Variants in CBLB observed in about 807,000 individuals in gnomAD.
The protein encoded by CBLB is Cbl proto-oncogene B.
A neutral mutation model predicts 104.9 loss-of-function variants in CBLB; 31 were observed. The observed-to-expected ratio is 0.30, with a 90% confidence interval of 0.22 to 0.40. CBLB has a LOEUF of 0.40. CBLB is among the 10% of genes least tolerant of loss of function. The pLI, the probability that CBLB is intolerant of heterozygous loss-of-function variation, is 1.00. For missense variants in CBLB, 1,062 were observed against 1,214.6 expected (o/e 0.87, Z 1.87); for synonymous variants, 440 against 422.6 (o/e 1.04, Z -0.51).
At chr3:105,716,144 G>C (rs1379024830) in intron 10 of CBLB, among the ~76,000 whole-genome samples, 1 of 152,190 alleles carries the variant, frequency 6.6e-6, no homozygotes, top group Non-Finnish European at 1.5e-5. Context: ...AACAGAGGAA[G>C]AACATTCAGG....
At chr3:105,670,550 CATTT>C (rs2152696787) in intron 17 of CBLB, 198 bp from the exon 18 acceptor site, 3 of 555,832 alleles carry the variant, frequency 5.4e-6, no homozygotes, top group South Asian at 2.2e-5. Context: ...ATGCTCTTCA[CATTT>C]ATTTCCAGAT....
In CBLB at chr3:105,698,032, T is replaced by C. The variant is rs148611574; in HGVS notation, c.1959+4062A>G. On this transcript the variant is annotated intron_variant, in intron 12 of 18. Coordinates refer to ENST00000394030, the MANE Select transcript of CBLB (RefSeq NM_170662.5). ...TTATAAGGTGACTAAAATCTGAGAC[T>C]TTCAGAGAATGGAAACAATGCTATA... Among the ~76,000 whole-genome samples the C allele has an allele frequency of 8.9e-4, 136 of 152,182 alleles. 1 individual carries two copies. Among genetic ancestry groups the C allele is most frequent in the African/African-American group, 3.1e-3 (129 of 41,558 alleles).
chr3:105,665,675 A>C (rs1389715744), intron 18 of CBLB, among the ~76,000 whole-genome samples: 2 of 148,292 alleles, frequency 1.3e-5, no homozygotes, highest in East Asian at 3.9e-4. Context: ...ATGAATATTT[A>C]TATTTTACTG....
At chr3:105,740,197 A>G (rs150200334) in intron 7 of CBLB, among the ~76,000 whole-genome samples, 14 of 152,238 alleles carry the variant, frequency 9.2e-5, no homozygotes, top group African/African-American at 3.1e-4. Flanking sequence ...CTTAATATAT[A>G]AACAGTTTTA....
intron 4 of CBLB, 116 bp from the exon 5 acceptor site, chr3:105,751,734 G>A: frequency 1.3e-6 from 1 of 786,206 alleles, no homozygotes; most frequent in South Asian, 1.5e-5. Context: ...TGTACTACCA[G>A]ACAAATATTT....
chr3:105,818,325 C>A (rs1255415110), intron 3 of CBLB, among the ~76,000 whole-genome samples: 1 of 152,014 alleles, frequency 6.6e-6, no homozygotes, highest in African/African-American at 2.4e-5. Flanking sequence ...GATTATACAT[C>A]CACACTGATA....
At chr3:105,751,328 T>C (rs548198446) in intron 5 of CBLB, 134 bp downstream of exon 5, 7 of 740,732 alleles carry the variant, frequency 9.5e-6, no homozygotes, top group African/African-American at 8.8e-5. Context: ...TACAGACTAA[T>C]AGGAATGACA....
chr3:105,853,433 C>T lies in CBLB; in HGVS notation c.400G>A (p.Glu134Lys), dbSNP rs1432380285. The change falls in exon 3 of 19, where the codon GAA (glutamate) becomes AAA (lysine). Residue 134 changes from glutamate (E) to lysine (K), a missense_variant. Physicochemically the swap from Glu to Lys is moderately conservative, Grantham distance 56. Around this residue, in one of 2 missense-constraint regions of CBLB, gnomAD observed 457 missense variants for 632.0 expected, o/e 0.72. Transcript: ENST00000394030. ...LFKEGKERMY[E>K]EQSQDRRNLT... Reference sequence around the variant, plus strand: ...TCTTACCTGTCCTGTGACTGTTCTTCATACATTCTCTCCTTGCCTTCTTTA... The same window carrying T: ...TCTTACCTGTCCTGTGACTGTTCTTTATACATTCTCTCCTTGCCTTCTTTA... 2 of 1,613,696 alleles carry T rather than the reference C, an allele frequency of 1.2e-6. No individual in the cohort carries two copies. Among genetic ancestry groups the T allele is most frequent in the Admixed American group, 1.7e-5 (1 of 60,024 alleles).
chr3:105,667,503 T>C (rs1002811514), intron 18 of CBLB, among the ~76,000 whole-genome samples: 2 of 152,210 alleles, frequency 1.3e-5, no homozygotes, highest in Non-Finnish European at 2.9e-5. Flanking sequence ...GAATTTAACA[T>C]GGGCTGGTAA....
In CBLB at chr3:105,678,719, T is replaced by C. The variant is rs936087355; in HGVS notation, c.2429-148A>G. The C allele has an allele frequency of 3.5e-6, 3 of 858,700 alleles. No individual in the cohort carries two copies. In the African/African-American group the frequency reaches 5.0e-5, roughly 14 times the overall value. The allele number at this position is 858,700 out of a possible 1,614,324, so 53.2% of individuals were successfully genotyped here. On this transcript the variant is annotated intron_variant, in intron 16 of 18. Transcript: ENST00000394030. ...TCCAGCAGTTCACCAACTTTGATAA[T>C]GGGATCTAATTATTTTGTGGGAGAG... is the stretch of plus-strand genomic sequence containing the variant.
chr3:105,740,846 C>A (rs2075452761), intron 6 of CBLB, among the ~76,000 whole-genome samples: 1 of 152,058 alleles, frequency 6.6e-6, no homozygotes, highest in Non-Finnish European at 1.5e-5. Context: ...TATTTAAATA[C>A]TTCCAGATAC....
chr3:105,664,605 A>G (rs1198047906), intron 18 of CBLB, among the ~76,000 whole-genome samples: 1 of 152,170 alleles, frequency 6.6e-6, no homozygotes, highest in Non-Finnish European at 1.5e-5. Context: ...CGTGTATAAT[A>G]TGCGCATAAT....
At chr3:105,758,519 C>T (rs2077286016) in intron 4 of CBLB, among the ~76,000 whole-genome samples, 1 of 152,234 alleles carries the variant, frequency 6.6e-6, no homozygotes, top group Non-Finnish European at 1.5e-5. Flanking sequence ...TTTGCTCAGG[C>T]CTGCTGGGCT....
At chr3:105,758,120 T>C (rs550470839) in intron 4 of CBLB, among the ~76,000 whole-genome samples, 1 of 152,236 alleles carries the variant, frequency 6.6e-6, no homozygotes, top group African/African-American at 2.4e-5. Context: ...CTCCATTTTT[T>C]AAGAATATGA....
rs181923848 is a variant in CBLB at position 105,777,902 on chromosome 3, C to T, written c.420-1360G>A. ...CTTAAATTTTCAATATTACGTTAAT[C>T]GGCATAAAACTACTAGTGTTAGATA... On this transcript the variant is annotated intron_variant, in intron 3 of 18. Transcript: ENST00000394030. 6.6e-4 allele frequency among the ~76,000 whole-genome samples: 101 copies of T among 152,234 alleles called. 1 individual carries two copies. Among genetic ancestry groups the T allele is most frequent in the African/African-American group, 2.4e-3 (99 of 41,526 alleles).
At chr3:105,778,694 T>C (rs1191905081) in intron 3 of CBLB, among the ~76,000 whole-genome samples, 1 of 152,176 alleles carries the variant, frequency 6.6e-6, no homozygotes, top group East Asian at 1.9e-4. Context: ...CATTATAATA[T>C]ACATAAATGT....
chr3:105,868,097 G>T, intron 1 of CBLB: 1 of 538,922 alleles, frequency 1.9e-6, no homozygotes, highest in Non-Finnish European at 2.9e-6. Context: ...AAACGTAAGG[G>T]ACAGCTCTGT....
chr3:105,721,394 A>G (rs2072794227), intron 9 of CBLB, among the ~76,000 whole-genome samples: 1 of 152,168 alleles, frequency 6.6e-6, no homozygotes, highest in African/African-American at 2.4e-5. Flanking sequence ...CAACTACCTC[A>G]CATCTACTTT....
chr3:105,685,198 G>T (rs1163795888), intron 14 of CBLB, 122 bp downstream of exon 14: 6 of 862,358 alleles, frequency 7.0e-6, no homozygotes, highest in South Asian at 1.4e-5. Context: ...AATAGGAAGA[G>T]AAGGATTTGA....
Sources: allele counts gnomAD v4.1 joint callset (sites outside exome capture counted in the v4.1 genomes callset), GRCh38; gene constraint gnomAD v4.1.1; regional missense constraint gnomAD v4.1.1; transcripts MANE v1.5; gene names NCBI Gene and HGNC (gene_info 2026-07-23, HGNC 2026-07-21).